TBC1D19: variants seen among roughly 807,000 people sequenced by gnomAD.
TBC1D19 encodes the protein TBC1 domain family member 19, also known as TBC1 domain family, member 19.
Under a neutral mutation model 89.0 loss-of-function variants are expected in TBC1D19, and 60 were observed. That is an observed-to-expected ratio of 0.67 (90% CI 0.55 to 0.84). The LOEUF (loss-of-function observed/expected upper bound fraction) is 0.84, where lower values mean the gene tolerates loss of function less well. Among genes scored for constraint, TBC1D19 ranks in the 40% least tolerant of loss-of-function variants. TBC1D19 has a pLI of 0.00. For synonymous variants in TBC1D19, 189 were observed against 199.7 expected (o/e 0.95, Z 0.45); for missense variants, 500 against 610.8 (o/e 0.82, Z 1.91).
chr4:26,745,231 A>G (rs1038092625), intron 18 of TBC1D19, among the ~76,000 whole-genome samples: 1 of 151,774 alleles, frequency 6.6e-6, no homozygotes, highest in Non-Finnish European at 1.5e-5. Flanking sequence ...TGGATTTCTT[A>G]TCGAAAGTTG....
At chr4:26,838,785 C>T in the TBC1D19 span, among the ~76,000 whole-genome samples, 1 of 152,248 alleles carries the variant, frequency 6.6e-6, no homozygotes, top group African/African-American at 2.4e-5. Context: ...TTTCCAGTAG[C>T]ACCAAGCAAG....
the TBC1D19 span, among the ~76,000 whole-genome samples, chr4:26,804,692 C>T: frequency 6.6e-6 from 1 of 152,120 alleles, no homozygotes; most frequent in Admixed American, 6.5e-5. Context: ...GGCGGCGGGC[C>T]CGGGTTTGCC....
chr4:26,764,115 A>T, the TBC1D19 span, among the ~76,000 whole-genome samples: 2 of 152,244 alleles, frequency 1.3e-5, no homozygotes, highest in African/African-American at 4.8e-5. Context: ...ACCTAATTTT[A>T]AATGAAATGT....
At chr4:26,792,619 C>G in the TBC1D19 span, among the ~76,000 whole-genome samples, 2 of 152,158 alleles carry the variant, frequency 1.3e-5, no homozygotes, top group African/African-American at 4.8e-5. Flanking sequence ...CGTAAGCATA[C>G]GATTTCTTTG....
chr4:26,806,397 T>C, the TBC1D19 span, among the ~76,000 whole-genome samples: 12 of 152,236 alleles, frequency 7.9e-5, no homozygotes, highest in African/African-American at 2.9e-4. Flanking sequence ...ATGAGGATCA[T>C]GAGTTTAAAT....
At chr4:26,856,674 A>G in the TBC1D19 span, among the ~76,000 whole-genome samples, 1 of 152,044 alleles carries the variant, frequency 6.6e-6, no homozygotes, top group Non-Finnish European at 1.5e-5. Flanking sequence ...TTTTCTCACC[A>G]TTTTCAATTG....
At chr4:26,678,876 T>A (rs1713084450) in intron 11 of TBC1D19, among the ~76,000 whole-genome samples, 1 of 152,162 alleles carries the variant, frequency 6.6e-6, no homozygotes, top group Admixed American at 6.5e-5. Flanking sequence ...CTAGCTTGAC[T>A]TTTCCCTTTA....
At chr4:26,831,808 G>A in the TBC1D19 span, among the ~76,000 whole-genome samples, 2 of 152,018 alleles carry the variant, frequency 1.3e-5, no homozygotes, top group African/African-American at 4.8e-5. Context: ...AGCCAGAATA[G>A]TCTCAATCTC....
At chr4:26,738,952 C>T (rs962381419) in intron 16 of TBC1D19, among the ~76,000 whole-genome samples, 3 of 152,122 alleles carry the variant, frequency 2.0e-5, no homozygotes, top group African/African-American at 7.2e-5. Flanking sequence ...TTATAGAGCC[C>T]CAGAAATTCT....
intron 4 of TBC1D19, among the ~76,000 whole-genome samples, chr4:26,631,012 A>G (rs933037055): frequency 6.6e-6 from 1 of 152,006 alleles, no homozygotes; most frequent in East Asian, 1.9e-4. Flanking sequence ...TAACTGTGGA[A>G]CTGACTCCTT....
At chr4:26,629,602 T>A (rs1056051032) in intron 4 of TBC1D19, among the ~76,000 whole-genome samples, 96 of 152,184 alleles carry the variant, frequency 6.3e-4, no homozygotes, top group African/African-American at 2.2e-3. Flanking sequence ...TAGAACCTTG[T>A]ATAAAGAATC....
chr4:26,591,523 C>T (rs1461801303), intron 1 of TBC1D19, among the ~76,000 whole-genome samples: 2 of 151,898 alleles, frequency 1.3e-5, no homozygotes, highest in East Asian at 3.9e-4. Flanking sequence ...ACAAAAAAAC[C>T]CTTCAAAAAA....
At chr4:26,613,645 CA>C (rs1346133183) in intron 2 of TBC1D19, among the ~76,000 whole-genome samples, 1 of 152,074 alleles carries the variant, frequency 6.6e-6, no homozygotes, top group African/African-American at 2.4e-5. Context: ...TGCAAAAATT[CA>C]AGAACTCTGT....
In TBC1D19 at chr4:26,739,244, C is replaced by A. The variant is rs529293755; in HGVS notation, c.1118-620C>A. 1.4e-4 allele frequency among the ~76,000 whole-genome samples: 22 copies of A among 152,156 alleles called. No individual in the cohort carries two copies. In the East Asian group the frequency reaches 4.1e-3, roughly 28 times the overall value. ...GTGCTTAATTGCTACAAACTGGGGG[C>A]AGTCAATTCTACATTCATTAGAGAA... On this transcript the variant is annotated intron_variant, in intron 16 of 20. Coordinates refer to ENST00000264866, the MANE Select transcript of TBC1D19 (RefSeq NM_018317.4).
At chr4:26,806,459 T>C in the TBC1D19 span, among the ~76,000 whole-genome samples, 1 of 152,236 alleles carries the variant, frequency 6.6e-6, no homozygotes, top group Non-Finnish European at 1.5e-5. Flanking sequence ...ATGTCAGATA[T>C]TAGCTCATGC....
the TBC1D19 span, among the ~76,000 whole-genome samples, chr4:26,851,068 T>A: frequency 1.3e-5 from 2 of 152,196 alleles, no homozygotes; most frequent in Non-Finnish European, 2.9e-5. Context: ...CCCTTGGACA[T>A]CACAACTTCA....
intron 1 of TBC1D19, among the ~76,000 whole-genome samples, chr4:26,602,236 T>G (rs1740659223): frequency 6.6e-6 from 1 of 152,176 alleles, no homozygotes; most frequent in African/African-American, 2.4e-5. Flanking sequence ...GCAGTGGTTC[T>G]CAAAGTATGG....
intron 13 of TBC1D19, among the ~76,000 whole-genome samples, chr4:26,696,449 C>T (rs193013388): frequency 1.8e-3 from 271 of 152,254 alleles, no homozygotes; most frequent in African/African-American, 6.2e-3. Flanking sequence ...GACAGATCAA[C>T]CAGACAGAAA....
chr4:26,711,182 A>G (rs1716162831), intron 13 of TBC1D19, among the ~76,000 whole-genome samples: 1 of 152,120 alleles, frequency 6.6e-6, no homozygotes, highest in Non-Finnish European at 1.5e-5. Flanking sequence ...TCTTTAATCC[A>G]TCTTGAATTA....
Sources: gnomAD v4.1 joint callset for allele counts (sites outside exome capture counted in the v4.1 genomes callset) on GRCh38, gnomAD v4.1.1 for gene constraint, MANE v1.5 for transcripts, NCBI Gene and HGNC (gene_info 2026-07-23, HGNC 2026-07-21) for gene names.